WDR37: variants seen among roughly 807,000 people sequenced by gnomAD.
WDR37 encodes WD repeat-containing protein 37.
WDR37 carries 19 observed loss-of-function variants against 62.9 expected under a neutral mutation model. The ratio of observed to expected loss-of-function variants is 0.30; its 90% CI spans 0.21 to 0.44. The LOEUF (loss-of-function observed/expected upper bound fraction) is 0.44. Ranked by LOEUF, WDR37 falls within the 20% of genes least tolerant of loss-of-function variation. WDR37 has a pLI of 1.00. For synonymous variants in WDR37, 250 were observed against 260.9 expected (o/e 0.96, Z 0.40); for missense variants, 474 against 657.6 (o/e 0.72, Z 3.05).
intron 11 of WDR37, among the ~76,000 whole-genome samples, chr10:1,123,616 T>C (rs1386541527): frequency 6.6e-6 from 1 of 152,244 alleles, no homozygotes; most frequent in African/African-American, 2.4e-5. Context: ...GACATGTGGG[T>C]TGTTTGCACC....
At chr10:1,110,346 T>TA (rs1170810062) in intron 11 of WDR37, among the ~76,000 whole-genome samples, 1 of 152,220 alleles carries the variant, frequency 6.6e-6, no homozygotes, top group Non-Finnish European at 1.5e-5. Flanking sequence ...ACGTGCCTCA[T>TA]AATGAGAAAA....
At position 1,129,406 on chromosome 10, in the gene WDR37, T is replaced by C. The variant is rs1835909289; in HGVS notation, c.*62T>C. 2 of 1,598,790 alleles carry C rather than the reference T, an allele frequency of 1.3e-6. No individual in the cohort carries two copies. Among genetic ancestry groups the C allele is most frequent in the Admixed American group, 3.4e-5 (2 of 59,242 alleles). ...ACAGACCTTTGATGGGTGCAGGCTT[T>C]TCTGCGTATTAATCAGCCATTTTTG... On this transcript the variant is annotated 3_prime_UTR_variant, in exon 14 of 14. Coordinates refer to ENST00000263150, the MANE Select transcript of WDR37 (RefSeq NM_014023.4).
intron 13 of WDR37, among the ~76,000 whole-genome samples, chr10:1,127,831 C>T (rs1415929344): frequency 2.0e-5 from 3 of 152,228 alleles, no homozygotes; most frequent in East Asian, 1.9e-4. Context: ...GGGCGTCTTC[C>T]GGGTGCATCT....
intron 11 of WDR37, among the ~76,000 whole-genome samples, chr10:1,114,970 A>G (rs1461510396): frequency 6.7e-6 from 1 of 148,386 alleles, no homozygotes; most frequent in East Asian, 2.0e-4. Flanking sequence ...CAGCCCTCAG[A>G]CCTCCCTCAG....
intron 11 of WDR37, among the ~76,000 whole-genome samples, chr10:1,108,105 T>G (rs1171153063): frequency 6.6e-6 from 1 of 152,262 alleles, no homozygotes; most frequent in Non-Finnish European, 1.5e-5. Flanking sequence ...AGAATAAGGA[T>G]GTTCTCCTAA....
chr10:1,068,403 G>A (rs1020194098), intron 1 of WDR37, among the ~76,000 whole-genome samples: 2 of 150,016 alleles, frequency 1.3e-5, no homozygotes, highest in Non-Finnish European at 3.0e-5. Flanking sequence ...GTTGCAGTGA[G>A]CCGAGATTGA....
chr10:1,074,454 G>T (rs760842790), intron 2 of WDR37: 6 of 1,304,386 alleles, frequency 4.6e-6, no homozygotes, highest in Middle Eastern at 2.1e-4. Context: ...CTCCCTAGAC[G>T]GAGCTCATTT....
intron 11 of WDR37, among the ~76,000 whole-genome samples, chr10:1,116,121 G>A (rs943161512): frequency 6.6e-6 from 1 of 152,112 alleles, no homozygotes; most frequent in Non-Finnish European, 1.5e-5. Flanking sequence ...CTCGTTGCAC[G>A]CACCAGGCAA....
intron 1 of WDR37, among the ~76,000 whole-genome samples, chr10:1,068,436 G>A (rs929966192): frequency 5.3e-5 from 8 of 151,792 alleles, no homozygotes; most frequent in Admixed American, 2.6e-4. Context: ...CAGCCTGGGC[G>A]ACAGCGAGAC....
intron 1 of WDR37, among the ~76,000 whole-genome samples, chr10:1,068,638 T>A (rs1353097323): frequency 6.6e-6 from 1 of 151,994 alleles, no homozygotes; most frequent in Admixed American, 6.5e-5. Context: ...GTGTTCCTGA[T>A]GATAATGTAG....
chr10:1,124,152 T>C (rs1564513855), intron 11 of WDR37, 66 bp from the exon 12 acceptor site: 1 of 1,603,412 alleles, frequency 6.2e-7, no homozygotes, highest in Non-Finnish European at 8.5e-7. Context: ...GTCAGGGTTG[T>C]GTGTGGGGTG....
intron 11 of WDR37, among the ~76,000 whole-genome samples, chr10:1,113,299 A>G (rs1835275950): frequency 6.6e-6 from 1 of 152,194 alleles, no homozygotes; most frequent in African/African-American, 2.4e-5. Flanking sequence ...TGCTCAGGAA[A>G]AAACTTTTTT....
chr10:1,063,097 A>G (rs988496785), intron 1 of WDR37, among the ~76,000 whole-genome samples: 12 of 151,944 alleles, frequency 7.9e-5, no homozygotes, highest in Non-Finnish European at 1.2e-4. Flanking sequence ...AAAAAAAAAA[A>G]AGAGACTGAA....
chr10:1,056,510 C>T lies in WDR37; in HGVS notation c.-499C>T, dbSNP rs1442552769. The T allele has an allele frequency of 6.6e-6, 1 of 152,146 alleles. No homozygotes were observed. Among genetic ancestry groups the T allele is most frequent in the Non-Finnish European group, 1.5e-5 (1 of 68,048 alleles). The allele number at this position is 152,146 out of a possible 1,614,324, so 9.4% of individuals were successfully genotyped here. A position where few individuals can be genotyped will look rare whatever the true frequency, so the allele number is the denominator to read the frequency against. On this transcript the variant is annotated 5_prime_UTR_variant, in exon 1 of 14. Transcript: ENST00000263150. ...GGCGGACCGCGCCCCGGGCTCGCAG[C>T]CCTCCCGCCCCGGCTGCCGGGCTAC...
intron 2 of WDR37, among the ~76,000 whole-genome samples, chr10:1,077,623 A>G (rs898086740): frequency 2.0e-5 from 3 of 152,206 alleles, no homozygotes; most frequent in Non-Finnish European, 4.4e-5. Flanking sequence ...TTTTAAAATA[A>G]GGTAGGCTTA....
In WDR37 at chr10:1,079,915, TA is replaced by T. The variant is rs1833979161; in HGVS notation, c.236-95del. The T allele has an allele frequency of 7.8e-6, 7 of 901,400 alleles. No homozygotes were observed. The South Asian group carries it at 1.1e-4, about 14-fold the overall frequency. The allele number at this position is 901,400 out of a possible 1,614,324, so 55.8% of individuals were successfully genotyped here. On this transcript the variant is annotated intron_variant, in intron 3 of 13. Transcript: ENST00000263150. ...CATGTCTTTGTTTATATAACACTAA[TA>T]TATAGCATTTTTTCTGTGTGCGAGT...
At chr10:1,126,396 ACT>A (rs1835775396) in intron 13 of WDR37, among the ~76,000 whole-genome samples, 2 of 131,650 alleles carry the variant, frequency 1.5e-5, no homozygotes, top group South Asian at 4.9e-4. Context: ...ACAGAGCGAG[ACT>A]GTGTCTCAGA....
At position 1,056,849 on chromosome 10, in the gene WDR37, G is replaced by A. The variant is rs1041336620; in HGVS notation, c.-160G>A. The A allele has an allele frequency of 6.6e-6, 1 of 152,328 alleles. No homozygotes were observed. 9.4% of individuals were successfully genotyped at this position (152,328 alleles called of 1,614,324 possible). A position where few individuals can be genotyped will look rare whatever the true frequency, so the allele number is the denominator to read the frequency against. Reference sequence around the variant, plus strand: ...GTTGGGGTTGTGGGGTCGCGTCAGTGCGGAGACAGCGGTGTCCTGCGCGTC... The same window carrying A: ...GTTGGGGTTGTGGGGTCGCGTCAGTACGGAGACAGCGGTGTCCTGCGCGTC... On this transcript the variant is annotated 5_prime_UTR_variant, in exon 1 of 14. Coordinates refer to ENST00000263150, the MANE Select transcript of WDR37 (RefSeq NM_014023.4).
intron 1 of WDR37, among the ~76,000 whole-genome samples, chr10:1,068,355 C>CCACTCGGGAGG (rs1833618049): frequency 8.7e-6 from 1 of 115,412 alleles, no homozygotes; most frequent in African/African-American, 3.5e-5. Flanking sequence ...GTGGCGGGCG[C>CCACTCGGGAGG]CTGAGGCAGG....
Sources: allele counts gnomAD v4.1 joint callset (sites outside exome capture counted in the v4.1 genomes callset), GRCh38; gene constraint gnomAD v4.1.1; transcripts MANE v1.5; gene names NCBI Gene and HGNC (gene_info 2026-07-23, HGNC 2026-07-21).